Variants in MSRA observed in about 807,000 individuals in gnomAD.
MSRA encodes methionine sulfoxide reductase A.
MSRA carries 54 observed loss-of-function variants against 31.3 expected under a neutral mutation model. The observed-to-expected ratio is 1.73, with a 90% CI of 1.39 to 2.17. The LOEUF (loss-of-function observed/expected upper bound fraction) is 2.17. Ranked by LOEUF, MSRA falls within the 30% of genes most tolerant of loss-of-function variation. The pLI, the probability that MSRA is intolerant of heterozygous loss-of-function variation, is 0.00. For synonymous variants in MSRA, 169 were observed against 116.5 expected (o/e 1.45, Z -2.90); for missense variants, 507 against 300.9 (o/e 1.69, Z -5.07).
intron 4 of MSRA, among the ~76,000 whole-genome samples, chr8:10,318,241 T>G (rs139358076): frequency 6.6e-6 from 1 of 152,358 alleles, no homozygotes; most frequent in Non-Finnish European, 1.5e-5. Flanking sequence ...GGTCACTGAA[T>G]GTCTCTGATC....
intron 5 of MSRA, among the ~76,000 whole-genome samples, chr8:10,388,555 G>A (rs185012816): frequency 6.6e-6 from 1 of 152,258 alleles, no homozygotes; most frequent in Non-Finnish European, 1.5e-5. Flanking sequence ...CCTGCAAGAT[G>A]GGAGACATCC....
intron 5 of MSRA, among the ~76,000 whole-genome samples, chr8:10,358,394 C>T (rs541710865): frequency 6.6e-6 from 1 of 152,088 alleles, no homozygotes; most frequent in South Asian, 2.1e-4. Flanking sequence ...TCTTGTTTCC[C>T]CCCAATTTTT....
At chr8:10,195,211 A>T (rs575489762) in intron 1 of MSRA, among the ~76,000 whole-genome samples, 56 of 152,300 alleles carry the variant, frequency 3.7e-4, no homozygotes, top group African/African-American at 1.3e-3. Context: ...AACTGGGATG[A>T]ACCTTGTTAA....
At chr8:10,380,596 T>A (rs897928655) in intron 5 of MSRA, among the ~76,000 whole-genome samples, 6 of 152,248 alleles carry the variant, frequency 3.9e-5, no homozygotes, top group African/African-American at 1.4e-4. Flanking sequence ...CAGTTACATT[T>A]AGTAATTTCT....
rs577911835 is a variant in MSRA at position 10,150,723 on chromosome 8, C to T, written c.143-57110C>T. ...TGAAAACAGCCGGCCTGTTCTGTCCCGTGTTCTGAAGCCTGTTCTTTCCCG... is the reference window on the plus strand; with the variant it reads ...TGAAAACAGCCGGCCTGTTCTGTCCTGTGTTCTGAAGCCTGTTCTTTCCCG... On this transcript the variant is annotated intron_variant, in intron 1 of 5. Transcript: ENST00000317173. Among the ~76,000 whole-genome samples, 177 of 152,248 alleles carry T rather than the reference C, an allele frequency of 1.2e-3. 7 individuals are homozygous for T. The South Asian group carries it at 0.034, about 29-fold the overall frequency.
intron 1 of MSRA, among the ~76,000 whole-genome samples, chr8:10,186,053 G>A (rs1054222256): frequency 4.6e-5 from 7 of 152,040 alleles, no homozygotes; most frequent in East Asian, 3.9e-4. Flanking sequence ...CATACGTATC[G>A]GAACAGCGTG....
chr8:10,175,924 G>T (rs1465613768), intron 1 of MSRA, among the ~76,000 whole-genome samples: 2 of 152,118 alleles, frequency 1.3e-5, no homozygotes, highest in African/African-American at 4.8e-5. Flanking sequence ...TAGCAGAATG[G>T]GATAAGGCAG....
intron 1 of MSRA, among the ~76,000 whole-genome samples, chr8:10,160,392 G>A (rs1477904361): frequency 2.0e-5 from 3 of 152,016 alleles, no homozygotes; most frequent in African/African-American, 4.8e-5. Context: ...CTACTTGGGA[G>A]GCTAAGGCCG....
At chr8:10,174,760 A>G (rs1805891338) in intron 1 of MSRA, among the ~76,000 whole-genome samples, 1 of 152,158 alleles carries the variant, frequency 6.6e-6, no homozygotes, top group Non-Finnish European at 1.5e-5. Context: ...CTGCACTCAG[A>G]CATCCAACTG....
intron 2 of MSRA, among the ~76,000 whole-genome samples, chr8:10,208,225 C>T (rs556868077): frequency 2.7e-5 from 4 of 149,386 alleles, no homozygotes; most frequent in East Asian, 1.9e-4. Context: ...TTTTTTTTTC[C>T]ACATAGATAT....
At chr8:10,305,532 G>C (rs572756535) in intron 4 of MSRA, among the ~76,000 whole-genome samples, 1 of 150,898 alleles carries the variant, frequency 6.6e-6, no homozygotes, top group Non-Finnish European at 1.5e-5. Flanking sequence ...TCCTGCCTCA[G>C]CCTCCTGAGT....
At chr8:10,218,642 A>T (rs1810220233) in intron 2 of MSRA, among the ~76,000 whole-genome samples, 1 of 152,210 alleles carries the variant, frequency 6.6e-6, no homozygotes, top group African/African-American at 2.4e-5. Context: ...AAGCAGGATA[A>T]GTGGTGATTT....
chr8:10,295,418 C>T (rs1027043546), intron 3 of MSRA, among the ~76,000 whole-genome samples: 1 of 151,894 alleles, frequency 6.6e-6, no homozygotes, highest in Non-Finnish European at 1.5e-5. Flanking sequence ...CACACAGGGA[C>T]CTGGGGATCT....
intron 2 of MSRA, 117 bp downstream of exon 2, chr8:10,208,018 A>G: frequency 8.5e-6 from 6 of 705,386 alleles, no homozygotes; most frequent in South Asian, 6.7e-5. Flanking sequence ...GATATTTACA[A>G]GTTGTTACAG....
intron 1 of MSRA, among the ~76,000 whole-genome samples, chr8:10,173,248 G>C (rs1171251629): frequency 2.6e-5 from 4 of 152,228 alleles, no homozygotes; most frequent in African/African-American, 9.6e-5. Context: ...CTGAGCCGAA[G>C]GCTCTCCGTG....
intron 5 of MSRA, among the ~76,000 whole-genome samples, chr8:10,327,547 A>T (rs17708114): frequency 0.12 from 18,725 of 152,160 alleles, 1,258 homozygotes; most frequent in Middle Eastern, 0.14. Flanking sequence ...TGACTCCCTA[A>T]GCTCTTCAGT....
intron 5 of MSRA, among the ~76,000 whole-genome samples, chr8:10,387,966 G>C (rs1183983150): frequency 1.3e-5 from 2 of 152,102 alleles, no homozygotes; most frequent in Non-Finnish European, 2.9e-5. Context: ...TTAGGGTATT[G>C]TTCTCTGAGC....
chr8:10,218,439 C>A (rs1200398538), intron 2 of MSRA, among the ~76,000 whole-genome samples: 1 of 152,190 alleles, frequency 6.6e-6, no homozygotes, highest in Non-Finnish European at 1.5e-5. Context: ...GCCACTGCGC[C>A]CGGCCCTGGT....
At chr8:10,242,411 GGGCTAT>G (rs1162135622) in intron 2 of MSRA, among the ~76,000 whole-genome samples, 4 of 152,042 alleles carry the variant, frequency 2.6e-5, no homozygotes, top group Non-Finnish European at 4.4e-5. Context: ...GTTGCTTTTT[GGGCTAT>G]AAGGTTTCTG....
Sources: gnomAD v4.1 joint callset for allele counts (sites outside exome capture counted in the v4.1 genomes callset) on GRCh38, gnomAD v4.1.1 for gene constraint, MANE v1.5 for transcripts, NCBI Gene and HGNC (gene_info 2026-07-23, HGNC 2026-07-21) for gene names.